Variants in VAV2 observed in about 807,000 individuals in gnomAD.
The protein encoded by VAV2 is vav guanine nucleotide exchange factor 2, also known as guanine nucleotide exchange factor VAV2.
VAV2 carries 67 observed loss-of-function variants against 132.5 expected under a neutral mutation model. The ratio of observed to expected loss-of-function variants is 0.51; its 90% CI spans 0.42 to 0.62. The LOEUF (loss-of-function observed/expected upper bound fraction) is 0.62. Ranked by LOEUF, VAV2 falls within the 20% of genes least tolerant of loss-of-function variation. The pLI is 0.00. For synonymous variants in VAV2, 492 were observed against 443.5 expected, an observed-to-expected ratio of 1.11 and a Z score of -1.37; for missense variants, 938 against 1,153.6, an observed-to-expected ratio of 0.81 and a Z score of 2.71.
chr9:133,949,577 C>T (rs758615766), intron 1 of VAV2, among the ~76,000 whole-genome samples: 1 of 152,196 alleles, frequency 6.6e-6, no homozygotes, highest in Non-Finnish European at 1.5e-5. Flanking sequence ...CCTCGAATGG[C>T]GGGTCACCTG....
chr9:133,896,965 G>A (rs1839230965), intron 2 of VAV2, among the ~76,000 whole-genome samples: 1 of 151,972 alleles, frequency 6.6e-6, no homozygotes, highest in Middle Eastern at 3.2e-3. Flanking sequence ...GTGGTGGCGG[G>A]CGCCTGTAGT....
rs1834718934 is a variant in VAV2 at position 133,796,492 on chromosome 9, A to G, written c.969T>C (p.Phe323=). ...ECTLKVQDGK[F]KLQDLLVVPM... is the part of the protein sequence containing the mutation. Reference sequence around the variant, plus strand: ...GGACCACCAGCAGGTCTTGCAGCTTAAATTTTCCATCCTGGACCTTCAGTG... The same window carrying G: ...GGACCACCAGCAGGTCTTGCAGCTTGAATTTTCCATCCTGGACCTTCAGTG... The change falls in exon 11 of 30, where the codon TTT becomes TTC. Residue 323 remains phenylalanine (F), a synonymous_variant. Transcript: ENST00000371850. The G allele has an allele frequency of 6.2e-7, 1 of 1,613,782 alleles. No homozygotes were observed.
In VAV2 at chr9:133,847,655, T is replaced by C. The variant is rs1212311544; in HGVS notation, c.381-13315A>G. Among the ~76,000 whole-genome samples, 4 of 152,250 alleles carry C rather than the reference T, an allele frequency of 2.6e-5. No homozygotes were observed. In the East Asian group the frequency reaches 7.7e-4, roughly 29 times the overall value. On this transcript the variant is annotated intron_variant, in intron 3 of 29. Coordinates refer to ENST00000371850, the MANE Select transcript of VAV2 (RefSeq NM_001134398.2). ...CCCACTTGAGGACGTCAGATAAAGT[T>C]CCAGCCCCACGCTGCCCAACGGGTT...
chr9:133,807,944 A>G (rs903119400), intron 7 of VAV2, among the ~76,000 whole-genome samples: 2 of 152,140 alleles, frequency 1.3e-5, no homozygotes, highest in Non-Finnish European at 2.9e-5. Flanking sequence ...GCTCCTGGTC[A>G]GGGCAGCCAG....
chr9:133,787,322 G>A, intron 15 of VAV2, 62 bp from the exon 16 acceptor site: 1 of 1,508,958 alleles, frequency 6.6e-7, no homozygotes, highest in Non-Finnish European at 8.9e-7. Context: ...GCCCGGCCCT[G>A]TGGTGGGTGC....
chr9:133,939,255 C>T, intron 1 of VAV2, 36 bp from the exon 2 acceptor site: 1 of 1,572,584 alleles, frequency 6.4e-7, no homozygotes, highest in South Asian at 1.1e-5. Context: ...CAAGGAAAAA[C>T]TTATTAAAAC....
In VAV2 at chr9:133,918,296, G is replaced by A. The variant is rs1034290441; in HGVS notation, c.321+20807C>T. ...GCACTCTCTGCGGCGGCAGAAAAGC[G>A]AACCAGAGAGCAGGAAGGCGGCGCT... On this transcript the variant is annotated intron_variant, in intron 2 of 29. Transcript: ENST00000371850. The surrounding 1 kb of genome is among the most constrained non-coding windows in gnomAD (Gnocchi z 4.7). Among the ~76,000 whole-genome samples, 2 of 151,596 alleles carry A rather than the reference G, an allele frequency of 1.3e-5. No homozygotes were observed. The highest frequency in any genetic ancestry group is 2.4e-5 in the African/African-American group (1 of 40,996).
At chr9:133,972,812 C>T (rs368204491) in intron 1 of VAV2, among the ~76,000 whole-genome samples, 21 of 152,248 alleles carry the variant, frequency 1.4e-4, no homozygotes, top group African/African-American at 4.8e-4. Flanking sequence ...GATGAGGCAA[C>T]CAAGGCCCAG....
chr9:133,870,286 C>T (rs1389138027), intron 2 of VAV2, among the ~76,000 whole-genome samples: 4 of 152,142 alleles, frequency 2.6e-5, no homozygotes, highest in Middle Eastern at 6.3e-3. Context: ...GTGGGAGCCG[C>T]CCCCAGGCCC....
Position 133,919,876 on chromosome 9 carries a change from G to A in VAV2, c.321+19227C>T, listed in dbSNP as rs181611470. 7.9e-5 allele frequency among the ~76,000 whole-genome samples: 12 copies of A among 152,184 alleles called. No homozygotes were observed. In the East Asian group the frequency reaches 1.7e-3, roughly 22 times the overall value. ...CACCACCCAACCGCATGTCCTCCGC[G>A]GAGCCCAGAGTCAGTTCTGCTGGAC... is the stretch of plus-strand genomic sequence containing the variant. On this transcript the variant is annotated intron_variant, in intron 2 of 29. Transcript: ENST00000371850. This position sits in a 1 kb window ranked among gnomAD's most constrained non-coding sequence, Gnocchi z 5.8.
intron 21 of VAV2, among the ~76,000 whole-genome samples, chr9:133,779,190 G>C (rs542349417): frequency 6.6e-6 from 1 of 152,386 alleles, no homozygotes; most frequent in South Asian, 2.1e-4. Flanking sequence ...AGCTGTGCGG[G>C]GCAGAAGACG....
chr9:133,796,698 G>T (rs10119331), intron 10 of VAV2, among the ~76,000 whole-genome samples, 174 bp from the exon 11 acceptor site: 6 of 151,974 alleles, frequency 3.9e-5, no homozygotes, highest in Admixed American at 1.3e-4. Flanking sequence ...TGTGCAGAGG[G>T]GGGGGCTTCA....
Position 133,919,140 on chromosome 9 carries a change from C to G in VAV2, c.321+19963G>C, listed in dbSNP as rs1840208917. 6.6e-6 allele frequency among the ~76,000 whole-genome samples: 1 copy of G among 152,132 alleles called. No individual in the cohort carries two copies. On this transcript the variant is annotated intron_variant, in intron 2 of 29. Coordinates refer to ENST00000371850, the MANE Select transcript of VAV2 (RefSeq NM_001134398.2). This position sits in a 1 kb window ranked among gnomAD's most constrained non-coding sequence, Gnocchi z 5.8. ...CTTTCTTCACTGACCTAGCTCCGCC[C>G]TCTCCATCAGGCCTGGCTCTGCCCA...
At chr9:133,987,666 TG>T (rs1422222084) in intron 1 of VAV2, among the ~76,000 whole-genome samples, 1 of 152,146 alleles carries the variant, frequency 6.6e-6, no homozygotes, top group Admixed American at 6.5e-5. Context: ...CAGGACGATG[TG>T]GGCAAGTCAG....
chr9:133,808,832 G>T (rs1024123965), intron 7 of VAV2, among the ~76,000 whole-genome samples: 2 of 152,234 alleles, frequency 1.3e-5, no homozygotes, highest in African/African-American at 4.8e-5. Flanking sequence ...CGCAGGCCGG[G>T]ACTTCAGGGG....
intron 6 of VAV2, among the ~76,000 whole-genome samples, 159 bp downstream of exon 6, chr9:133,810,032 G>A (rs1338272735): frequency 6.6e-6 from 1 of 151,692 alleles, no homozygotes; most frequent in Non-Finnish European, 1.5e-5. Context: ...AGGACCACGG[G>A]GGTGCCGAGG....
chr9:133,888,960 G>C (rs1449307179), intron 2 of VAV2, among the ~76,000 whole-genome samples: 1 of 152,216 alleles, frequency 6.6e-6, no homozygotes, highest in Non-Finnish European at 1.5e-5. Flanking sequence ...GACACGAACA[G>C]CATGGAAATG....
intron 1 of VAV2, among the ~76,000 whole-genome samples, chr9:133,947,023 G>T (rs143487426): frequency 6.6e-6 from 1 of 152,266 alleles, no homozygotes; most frequent in Non-Finnish European, 1.5e-5. Context: ...ACAAATGAAT[G>T]AATGTCTAGG....
intron 1 of VAV2, among the ~76,000 whole-genome samples, chr9:133,985,690 C>A (rs1193986927): frequency 6.6e-6 from 1 of 152,180 alleles, no homozygotes; most frequent in East Asian, 1.9e-4. Flanking sequence ...AAGCCTGGAA[C>A]ATCTTGTTGA....
Sources: gnomAD v4.1 joint callset for allele counts (sites outside exome capture counted in the v4.1 genomes callset) on GRCh38, gnomAD v4.1.1 for gene constraint, Gnocchi (gnomAD v3.1) non-coding constraint, MANE v1.5 for transcripts, NCBI Gene and HGNC (gene_info 2026-07-23, HGNC 2026-07-21) for gene names.